The following IFT80 variants were observed in gnomAD, a reference collection of about 807,000 sequenced individuals.
The protein encoded by IFT80 is intraflagellar transport protein 80 homolog.
In IFT80, 79 loss-of-function variants were observed where a neutral mutation model predicts 107.9. The observed-to-expected ratio is 0.73, with a 90% CI of 0.61 to 0.88. IFT80 has a LOEUF of 0.88. Among genes scored for constraint, IFT80 ranks in the 40% least tolerant of loss-of-function variants. The pLI, the probability that IFT80 is intolerant of heterozygous loss-of-function variation, is 0.00. For missense variants in IFT80, 797 were observed against 914.2 expected (o/e 0.87, Z 1.65); for synonymous variants, 299 against 300.9 (o/e 0.99, Z 0.07).
At chr3:160,336,159 C>T (rs2108325645) in intron 8 of IFT80, among the ~76,000 whole-genome samples, 1 of 152,114 alleles carries the variant, frequency 6.6e-6, no homozygotes, top group Middle Eastern at 3.4e-3. Flanking sequence ...GGGTATATAC[C>T]CAGGTATGGA....
chr3:160,278,334 T>C (rs75315396), intron 16 of IFT80, among the ~76,000 whole-genome samples: 1,925 of 152,354 alleles, frequency 0.013, 12 homozygotes, highest in Non-Finnish European at 0.019. Flanking sequence ...AAGATGGCAC[T>C]GGCCAGGTGG....
intron 4 of IFT80, among the ~76,000 whole-genome samples, chr3:160,377,117 A>C (rs746045034): frequency 7.9e-5 from 12 of 152,350 alleles, no homozygotes; most frequent in Non-Finnish European, 1.5e-4. Context: ...GGAAACAGAC[A>C]GAATGGGGAT....
intron 15 of IFT80, among the ~76,000 whole-genome samples, chr3:160,279,724 A>G (rs1714543113): frequency 6.6e-6 from 1 of 152,200 alleles, no homozygotes; most frequent in Admixed American, 6.5e-5. Flanking sequence ...TTTAGCTTTT[A>G]AAAGTATTAA....
intron 5 of IFT80, among the ~76,000 whole-genome samples, chr3:160,371,436 A>T (rs1483183333): frequency 2.0e-5 from 3 of 152,064 alleles, no homozygotes; most frequent in Non-Finnish European, 4.4e-5. Flanking sequence ...TTTATTTATT[A>T]ATTTGTATTG....
intron 19 of IFT80, among the ~76,000 whole-genome samples, chr3:160,263,161 C>G (rs558210510): frequency 4.0e-5 from 6 of 151,466 alleles, no homozygotes; most frequent in Admixed American, 3.3e-4. Flanking sequence ...GCTGCCCACA[C>G]TAGAAATGTT....
At chr3:160,355,947 C>G in intron 8 of IFT80, 66 bp downstream of exon 8, 1 of 1,552,362 alleles carries the variant, frequency 6.4e-7, no homozygotes, top group Non-Finnish European at 8.9e-7. Flanking sequence ...AGACTGAGAA[C>G]CATGTGTGTT....
At chr3:160,391,469 G>C (rs1184266473) in intron 1 of IFT80, 2 of 152,090 alleles carry the variant, frequency 1.3e-5, no homozygotes, top group Non-Finnish European at 2.9e-5. Context: ...TCAGGAGATC[G>C]AGACCATCCT....
intron 13 of IFT80, 88 bp downstream of exon 13, chr3:160,285,716 G>T: frequency 2.2e-6 from 2 of 893,378 alleles, no homozygotes; most frequent in Non-Finnish European, 3.6e-6. Flanking sequence ...TAATTCCTTT[G>T]TGTCCTCTTT....
chr3:160,323,905 G>C (rs1460796656), intron 8 of IFT80, among the ~76,000 whole-genome samples: 1 of 151,914 alleles, frequency 6.6e-6, no homozygotes, highest in Non-Finnish European at 1.5e-5. Flanking sequence ...GAAAAAAAGA[G>C]AGAAGAATCA....
intron 18 of IFT80, chr3:160,268,907 G>GC: frequency 4.8e-6 from 1 of 207,132 alleles, no homozygotes. Context: ...GAGTAATACA[G>GC]AGTACATATG....
chr3:160,317,526 A>C (rs954887106), intron 9 of IFT80, among the ~76,000 whole-genome samples: 2 of 152,138 alleles, frequency 1.3e-5, no homozygotes, highest in African/African-American at 4.8e-5. Flanking sequence ...AACTTATTTT[A>C]GCACTACTAT....
At chr3:160,389,951 T>C (rs553084270) in intron 1 of IFT80, among the ~76,000 whole-genome samples, 70 of 152,234 alleles carry the variant, frequency 4.6e-4, no homozygotes, top group South Asian at 8.3e-4. Context: ...CCACCAACAG[T>C]GTAAAAGTGT....
chr3:160,384,493 A>G (rs1444736941), intron 2 of IFT80, 71 bp downstream of exon 2: 2 of 1,377,862 alleles, frequency 1.5e-6, no homozygotes, highest in Non-Finnish European at 1.9e-6. Flanking sequence ...ACTAGGATAT[A>G]AAATAGAGAA....
At chr3:160,347,351 T>C (rs768340696) in intron 8 of IFT80, among the ~76,000 whole-genome samples, 4 of 151,966 alleles carry the variant, frequency 2.6e-5, no homozygotes, top group African/African-American at 7.2e-5. Context: ...TCAGAAAAAA[T>C]TGATTCTGAC....
intron 18 of IFT80, among the ~76,000 whole-genome samples, chr3:160,273,240 C>G (rs1424352120): frequency 6.6e-6 from 1 of 152,144 alleles, no homozygotes; most frequent in African/African-American, 2.4e-5. Flanking sequence ...CTTATCCAAT[C>G]TTGATATTTA....
chr3:160,274,973 T>C (rs2108221614), intron 18 of IFT80, among the ~76,000 whole-genome samples: 1 of 152,344 alleles, frequency 6.6e-6, no homozygotes, highest in East Asian at 1.9e-4. Context: ...ATTGATTGCT[T>C]AGTGATAAAT....
At chr3:160,390,927 C>T (rs955246830) in intron 1 of IFT80, among the ~76,000 whole-genome samples, 2 of 152,188 alleles carry the variant, frequency 1.3e-5, no homozygotes, top group Non-Finnish European at 2.9e-5. Flanking sequence ...GGTGAAAGCA[C>T]CTCTCTGTAA....
At chr3:160,333,345 A>T (rs57285344) in intron 8 of IFT80, among the ~76,000 whole-genome samples, 6,919 of 152,122 alleles carry the variant, frequency 0.045, 225 homozygotes, top group Middle Eastern at 0.079. Context: ...TATTAAAAAA[A>T]TTTTTCTTTC....
chr3:160,337,283 C>T (rs933745678), intron 8 of IFT80, among the ~76,000 whole-genome samples: 7 of 152,072 alleles, frequency 4.6e-5, no homozygotes, highest in Middle Eastern at 3.2e-3. Context: ...GAAAACATTC[C>T]GTGAGTTCTT....
Sources: gnomAD v4.1 joint callset for allele counts (sites outside exome capture counted in the v4.1 genomes callset) on GRCh38, gnomAD v4.1.1 for gene constraint, MANE v1.5 for transcripts, NCBI Gene and HGNC (gene_info 2026-07-23, HGNC 2026-07-21) for gene names.